Variants in RPGR observed in about 807,000 individuals in gnomAD.
The protein encoded by RPGR is retinitis pigmentosa GTPase regulator.
Under a neutral mutation model 56.3 loss-of-function variants are expected in RPGR, and 10 were observed. The observed-to-expected ratio is 0.18, with a 90% CI of 0.11 to 0.30. The LOEUF is 0.30. Ranked by LOEUF, RPGR falls within the 10% of genes least tolerant of loss-of-function variation. The probability of loss-of-function intolerance (pLI) is 1.00; values close to 1 mark genes in which losing one functional copy is unlikely to be tolerated. For missense variants in RPGR, 538 were observed against 590.9 expected (o/e 0.91, Z 0.93); for synonymous variants, 197 against 212.9 (o/e 0.93, Z 0.65).
chrX:38,310,530 A>AG, intron 7 of RPGR, 85 bp downstream of exon 7: 1 of 954,005 alleles, frequency 1.0e-6, no homozygotes, highest in Non-Finnish European at 1.5e-6. Context: ...ACAATAAAAA[A>AG]ATGAACATAA....
chrX:38,283,111 T>C (rs2067060212), intron 15 of RPGR, among the ~76,000 whole-genome samples: 1 of 111,214 alleles, frequency 9.0e-6, no homozygotes, highest in Admixed American at 9.6e-5. Context: ...CTTCTGTCGA[T>C]GAAAGCCTGG....
chrX:38,316,823 A>G (rs1266802914), intron 6 of RPGR, among the ~76,000 whole-genome samples: 5 of 111,818 alleles, frequency 4.5e-5, no homozygotes, highest in Non-Finnish European at 7.5e-5. Flanking sequence ...AATGTATAAA[A>G]TAAATATTTA....
intron 7 of RPGR, among the ~76,000 whole-genome samples, chrX:38,309,236 GTAACA>G (rs1253872864): frequency 9.0e-6 from 1 of 111,459 alleles, no homozygotes; most frequent in Non-Finnish European, 1.9e-5. Context: ...GATCCCAAAA[GTAACA>G]TTAAGGTCCT....
At position 38,321,011 on chromosome X, in the gene RPGR, A is replaced by G; in HGVS notation, c.310+16T>C. The stretch of plus-strand genomic sequence containing the variant: ...CTCAAAGTCAGGCAGGAAATCATAC[A>G]GGTTGAGCACTATACCTGTTGACAC... On this transcript the variant is annotated intron_variant, in intron 4 of 18. Coordinates refer to ENST00000642395, the MANE Select transcript of RPGR (RefSeq NM_000328.3). 2 of 1,171,303 alleles carry G rather than the reference A, an allele frequency of 1.7e-6. No individual in the cohort carries two copies. The highest frequency in any genetic ancestry group is 1.8e-5 in the South Asian group (1 of 55,883).
chrX:38,286,969 C>A, intron 15 of RPGR: 5 of 1,209,729 alleles, frequency 4.1e-6, no homozygotes, highest in Non-Finnish European at 5.6e-6. Context: ...GTCTTTCTCC[C>A]CCTTCTCCCT....
chrX:38,324,016 T>C (rs927020854), intron 1 of RPGR, among the ~76,000 whole-genome samples: 1 of 112,240 alleles, frequency 8.9e-6, no homozygotes, highest in Non-Finnish European at 1.9e-5. Flanking sequence ...GGATTTTCTT[T>C]GGTCCAGTTT....
At chrX:38,291,537 G>T in intron 11 of RPGR, 53 bp from the exon 12 acceptor site, 2 of 705,199 alleles carry the variant, frequency 2.8e-6, no homozygotes, top group Admixed American at 4.5e-5. Flanking sequence ...AAAAGTGAAA[G>T]GCAACTGGAC....
chrX:38,293,423 TGA>T (rs2067323947), intron 11 of RPGR, among the ~76,000 whole-genome samples: 1 of 111,794 alleles, frequency 8.9e-6, no homozygotes, highest in Admixed American at 9.5e-5. Flanking sequence ...TATTACCAAA[TGA>T]AGATTGTAAG....
intron 4 of RPGR, among the ~76,000 whole-genome samples, chrX:38,320,794 T>C (rs983207268): frequency 1.8e-5 from 2 of 112,506 alleles, no homozygotes; most frequent in Admixed American, 9.4e-5. Flanking sequence ...GACACACAGG[T>C]TAGGAGATGC....
At chrX:38,327,238 A>G in intron 1 of RPGR, 102 bp downstream of exon 1, 4 of 874,606 alleles carry the variant, frequency 4.6e-6, no homozygotes, top group Non-Finnish European at 6.2e-6. Context: ...CCGGCTGCCA[A>G]GCCTGGGGCC....
Position 38,323,469 on chromosome X carries a change from A to G in RPGR, c.84T>C (p.Gly28=). The change falls in exon 2 of 19, where the codon GGT becomes GGC. Residue 28 remains glycine, a synonymous_variant. Transcript: ENST00000642395. Reference sequence around the variant, plus strand: ...GGACATCATTTTTAAACCAGAATTTACCGGGATTATTTTCAGCAAATTTAC... The same window carrying G: ...GGACATCATTTTTAAACCAGAATTTGCCGGGATTATTTTCAGCAAATTTAC... The G allele has an allele frequency of 8.3e-7, 1 of 1,208,061 alleles. No individual in the cohort carries two copies. Among genetic ancestry groups the G allele is most frequent in the Non-Finnish European group, 1.1e-6 (1 of 892,472 alleles).
chrX:38,315,738 G>A (rs188915091), intron 6 of RPGR, among the ~76,000 whole-genome samples: 16 of 108,215 alleles, frequency 1.5e-4, no homozygotes, highest in African/African-American at 5.4e-4. Flanking sequence ...ATGCTTGAGG[G>A]GATGGATACC....
chrX:38,295,755 A>G (rs2067365969), intron 11 of RPGR, among the ~76,000 whole-genome samples: 1 of 110,955 alleles, frequency 9.0e-6, no homozygotes, highest in African/African-American at 3.3e-5. Context: ...TATTACCTCA[A>G]CCCTTTGCCT....
At position 38,285,972 on chromosome X, in the gene RPGR, CCCTTCTTCCTCTCCCTCT is replaced by C; in HGVS notation, c.1905+1104_1905+1121del. On this transcript the variant is annotated intron_variant, in intron 15 of 18. Coordinates refer to ENST00000642395, the MANE Select transcript of RPGR (RefSeq NM_000328.3). ...CCTCTTCTTCCTCCCCTTCTCCCTC[CCCTTCTTCCTCTCCCTCT>C]CCTTCTTCCTCCCCTTCTTCTTCCC... is the stretch of plus-strand genomic sequence containing the variant. 2 of 1,082,905 alleles carry C rather than the reference CCCTTCTTCCTCTCCCTCT, an allele frequency of 1.8e-6. No individual in the cohort carries two copies. The highest frequency in any genetic ancestry group is 2.4e-6 in the Non-Finnish European group (2 of 827,112). 89.2% of individuals were successfully genotyped at this position (1,082,905 alleles called of 1,213,427 possible).
At chrX:38,306,352 CATAAT>C (rs1460477917) in intron 7 of RPGR, among the ~76,000 whole-genome samples, 1 of 112,291 alleles carries the variant, frequency 8.9e-6, no homozygotes, top group Non-Finnish European at 1.9e-5. Context: ...GATTTGAAAA[CATAAT>C]ATGACATACT....
intron 7 of RPGR, among the ~76,000 whole-genome samples, chrX:38,305,950 T>C (rs1170242057): frequency 9.0e-6 from 1 of 111,098 alleles, no homozygotes; most frequent in Non-Finnish European, 1.9e-5. Flanking sequence ...TTTCTTTATA[T>C]TGATATTTTG....
rs142561025 is a variant in RPGR at position 38,296,658 on chromosome X, T to C, written c.1414+626A>G. Among the ~76,000 whole-genome samples the C allele has an allele frequency of 6.3e-5, 7 of 111,899 alleles. No homozygotes were observed. The East Asian group carries it at 2.0e-3, about 31-fold the overall frequency. On this transcript the variant is annotated intron_variant, in intron 11 of 18. Transcript: ENST00000642395. ...AATTATTTTATATGCCTGATCTCAC[T>C]GAATCCTCACAATCACTTTCTGAAG...
Position 38,327,500 on chromosome X carries a change from G to A in RPGR, c.-133C>T. 1 of 609,625 alleles carries A rather than the reference G, an allele frequency of 1.6e-6. No individual in the cohort carries two copies. The highest frequency in any genetic ancestry group is 2.4e-6 in the Non-Finnish European group (1 of 414,737). The allele number at this position is 609,625 out of a possible 1,213,427, so 50.2% of individuals were successfully genotyped here. A position where few individuals can be genotyped will look rare whatever the true frequency, so the allele number is the denominator to read the frequency against. On this transcript the variant is annotated 5_prime_UTR_variant, in exon 1 of 19. Transcript: ENST00000642395. ...AAGTTCCGCATGGCGAAACTCCGGAGATCAACTACAACCGCGCTCCCGGAA... is the reference window on the plus strand; with the variant it reads ...AAGTTCCGCATGGCGAAACTCCGGAAATCAACTACAACCGCGCTCCCGGAA...
chrX:38,299,615 G>A (rs926409295), intron 9 of RPGR, among the ~76,000 whole-genome samples: 6 of 110,132 alleles, frequency 5.4e-5, no homozygotes, highest in Non-Finnish European at 1.1e-4. Context: ...TAAGTTTAAT[G>A]CTTAAAAGTC....
Sources: gnomAD v4.1 joint callset for allele counts (sites outside exome capture counted in the v4.1 genomes callset) on GRCh38, gnomAD v4.1.1 for gene constraint, MANE v1.5 for transcripts, NCBI Gene and HGNC (gene_info 2026-07-23, HGNC 2026-07-21) for gene names.